Variants in ZNRF3 observed in about 807,000 individuals in gnomAD.
The protein encoded by ZNRF3 is zinc and ring finger 3, also known as E3 ubiquitin-protein ligase ZNRF3.
ZNRF3 carries 23 observed loss-of-function variants against 72.5 expected under a neutral mutation model. The observed-to-expected ratio is 0.32, with a 90% CI of 0.23 to 0.45. The LOEUF is 0.45. Ranked by LOEUF, ZNRF3 falls within the 20% of genes least tolerant of loss-of-function variation. The probability of loss-of-function intolerance (pLI) is 1.00; values close to 1 mark genes in which losing one functional copy is unlikely to be tolerated. For missense variants in ZNRF3, 1,169 were observed against 1,272.1 expected, an observed-to-expected ratio of 0.92 and a Z score of 1.23; for synonymous variants, 610 against 545.3, an observed-to-expected ratio of 1.12 and a Z score of -1.65.
chr22:29,019,037 C>T (rs759215307), intron 2 of ZNRF3, among the ~76,000 whole-genome samples: 4 of 151,264 alleles, frequency 2.6e-5, no homozygotes, highest in Non-Finnish European at 5.9e-5. Context: ...GATAGCCATG[C>T]CCTCTCAACA....
At position 28,914,537 on chromosome 22, in the gene ZNRF3, G is replaced by A. The variant is rs143012756; in HGVS notation, c.300+30471G>A. Among the ~76,000 whole-genome samples the A allele has an allele frequency of 3.1e-3, 454 of 145,716 alleles. 1 individual carries two copies. The highest frequency in any genetic ancestry group is 4.7e-3 in the Non-Finnish European group (313 of 67,070). On this transcript the variant is annotated intron_variant, in intron 1 of 8. Transcript: ENST00000544604. ...TTTTAAACTTTAAAAGTTGGAGGCC[G>A]GGCACGGTGGCTCACGCCTATAATT...
chr22:28,934,236 T>C (rs1411355556), intron 1 of ZNRF3, among the ~76,000 whole-genome samples: 1 of 152,186 alleles, frequency 6.6e-6, no homozygotes, highest in Non-Finnish European at 1.5e-5. Context: ...CATAAAATTT[T>C]AGTCTGTTTC....
chr22:29,034,599 A>G (rs1266683216), intron 2 of ZNRF3, among the ~76,000 whole-genome samples: 1 of 152,210 alleles, frequency 6.6e-6, no homozygotes, highest in Non-Finnish European at 1.5e-5. Flanking sequence ...TATGTCAGGG[A>G]TAGCTCTGGA....
At chr22:29,017,481 CTG>C (rs1406301542) in intron 2 of ZNRF3, among the ~76,000 whole-genome samples, 1 of 152,068 alleles carries the variant, frequency 6.6e-6, no homozygotes, top group East Asian at 1.9e-4. Context: ...TCCAGGCTGT[CTG>C]TGGAAAGTTG....
At position 28,935,254 on chromosome 22, in the gene ZNRF3, CAGA is replaced by C. The variant is rs553840820; in HGVS notation, c.300+51191_300+51193del. ...AGACACAAGCACACAAACCCTTTAG[CAGA>C]AGGTTTTTAAGGTTGCCTGTGTACC... On this transcript the variant is annotated intron_variant, in intron 1 of 8. Transcript: ENST00000544604. Among the ~76,000 whole-genome samples the C allele has an allele frequency of 7.9e-3, 1,201 of 152,280 alleles. 17 individuals carry two copies. Among genetic ancestry groups the C allele is most frequent in the African/African-American group, 0.028 (1,159 of 41,556 alleles).
rs371633955 is a variant in ZNRF3, at chr22:29,048,902, G to A, written c.1016-295G>A. ...ATCACTGTGTCATTAAACAGGGATGGAGGGACACTGGCATCTTTGAATCCG... is the reference window on the plus strand; with the variant it reads ...ATCACTGTGTCATTAAACAGGGATGAAGGGACACTGGCATCTTTGAATCCG... On this transcript the variant is annotated intron_variant, in intron 7 of 8. Coordinates refer to ENST00000544604, the MANE Select transcript of ZNRF3 (RefSeq NM_001206998.2). The surrounding 1 kb of genome is among the most constrained non-coding windows in gnomAD (Gnocchi z 4.9). Among the ~76,000 whole-genome samples the A allele has an allele frequency of 6.6e-6, 1 of 152,182 alleles. No homozygotes were observed. The highest frequency in any genetic ancestry group is 1.5e-5 in the Non-Finnish European group (1 of 68,034).
chr22:28,896,095 C>T (rs1017200214), intron 1 of ZNRF3, among the ~76,000 whole-genome samples: 5 of 151,446 alleles, frequency 3.3e-5, no homozygotes, highest in South Asian at 2.1e-4. Context: ...GGATTACAGG[C>T]GTCCACCATC....
At position 28,973,855 on chromosome 22, in the gene ZNRF3, C is replaced by G. The variant is rs559252044; in HGVS notation, c.301-13221C>G. Among the ~76,000 whole-genome samples the G allele has an allele frequency of 2.0e-5, 3 of 152,042 alleles. No individual in the cohort carries two copies. The East Asian group carries it at 5.8e-4, about 29-fold the overall frequency. On this transcript the variant is annotated intron_variant, in intron 1 of 8. Transcript: ENST00000544604. ...CTTCCTTTGCATTCAGAAAACTACT[C>G]AAGGTTACAAAAAACCAATACATCC...
chr22:28,979,636 C>G (rs1354178288), intron 1 of ZNRF3, among the ~76,000 whole-genome samples: 1 of 152,208 alleles, frequency 6.6e-6, no homozygotes, highest in African/African-American at 2.4e-5. Context: ...GACCTATTTG[C>G]CCTGGTCCCT....
intron 1 of ZNRF3, among the ~76,000 whole-genome samples, chr22:28,972,010 T>G (rs1029575694): frequency 6.6e-6 from 1 of 152,200 alleles, no homozygotes. Context: ...GCCCAGCCTG[T>G]TCTTTTCATC....
intron 2 of ZNRF3, among the ~76,000 whole-genome samples, chr22:28,997,519 T>C (rs1289092330): frequency 1.3e-5 from 2 of 152,112 alleles, no homozygotes; most frequent in African/African-American, 4.8e-5. Flanking sequence ...GCCTTTGTGC[T>C]ATGGTTCTGT....
chr22:28,899,186 A>T (rs1208868827), intron 1 of ZNRF3, among the ~76,000 whole-genome samples: 1 of 152,192 alleles, frequency 6.6e-6, no homozygotes, highest in Non-Finnish European at 1.5e-5. Context: ...AATCTCTAGG[A>T]CACATATAAA....
At chr22:28,991,860 C>T (rs907336992) in intron 2 of ZNRF3, among the ~76,000 whole-genome samples, 2 of 152,004 alleles carry the variant, frequency 1.3e-5, no homozygotes, top group Non-Finnish European at 2.9e-5. Context: ...ATCAGATGCT[C>T]ACCTGGGCAC....
intron 1 of ZNRF3, among the ~76,000 whole-genome samples, chr22:28,983,382 G>A (rs949353470): frequency 2.0e-5 from 3 of 152,146 alleles, no homozygotes; most frequent in Non-Finnish European, 2.9e-5. Flanking sequence ...GCCCGGACAC[G>A]CTCTCCACAT....
chr22:28,978,709 C>T (rs569625717), intron 1 of ZNRF3, among the ~76,000 whole-genome samples: 1 of 150,998 alleles, frequency 6.6e-6, no homozygotes, highest in African/African-American at 2.4e-5. Flanking sequence ...TCACCTTCAC[C>T]ACCCCTGATT....
intron 1 of ZNRF3, among the ~76,000 whole-genome samples, chr22:28,958,643 G>A (rs768995442): frequency 2.0e-5 from 3 of 152,124 alleles, no homozygotes; most frequent in Non-Finnish European, 2.9e-5. Flanking sequence ...TGCCACTGAC[G>A]GAGAGAGGGT....
At chr22:28,900,220 T>G (rs192646111) in intron 1 of ZNRF3, among the ~76,000 whole-genome samples, 350 of 152,294 alleles carry the variant, frequency 2.3e-3, no homozygotes, top group African/African-American at 8.2e-3. Flanking sequence ...TTCCTCACTT[T>G]CCCTTATACC....
rs143422224 is a variant in ZNRF3, at chr22:28,979,347, G to A, written c.301-7729G>A. Among the ~76,000 whole-genome samples, 539 of 152,206 alleles carry A rather than the reference G, an allele frequency of 3.5e-3. 2 individuals are homozygous for A. Among genetic ancestry groups the A allele is most frequent in the African/African-American group, 0.011 (450 of 41,514 alleles). On this transcript the variant is annotated intron_variant, in intron 1 of 8. Coordinates refer to ENST00000544604, the MANE Select transcript of ZNRF3 (RefSeq NM_001206998.2). ...GAAAATTTGAGACTTGCTTTTTTGG[G>A]GAGGACATCTTCTATTCTCCTTCCC...
intron 1 of ZNRF3, among the ~76,000 whole-genome samples, chr22:28,933,785 CCT>C: frequency 1.4e-5 from 2 of 142,480 alleles, no homozygotes; most frequent in Non-Finnish European, 3.1e-5. Flanking sequence ...CTCTCCCCTC[CCT>C]CCTCCCTCCT....
Sources: allele counts gnomAD v4.1 joint callset (sites outside exome capture counted in the v4.1 genomes callset), GRCh38; gene constraint gnomAD v4.1.1; non-coding constraint Gnocchi (gnomAD v3.1); transcripts MANE v1.5; gene names NCBI Gene and HGNC (gene_info 2026-07-23, HGNC 2026-07-21).